PARP15: variants seen among roughly 807,000 people sequenced by gnomAD.
PARP15 encodes poly(ADP-ribose) polymerase family member 15, also known as protein mono-ADP-ribosyltransferase PARP15.
PARP15 carries 50 observed loss-of-function variants against 62.1 expected under a neutral mutation model. The ratio of observed to expected loss-of-function variants is 0.81; its 90% confidence interval spans 0.64 to 1.02. The LOEUF (loss-of-function observed/expected upper bound fraction) is 1.02. PARP15 is among the 50% of genes least tolerant of loss of function. The pLI, the probability that PARP15 is intolerant of heterozygous loss-of-function variation, is 0.00. For synonymous variants in PARP15, 309 were observed against 293.1 expected (o/e 1.05, Z -0.55); for missense variants, 820 against 826.5 (o/e 0.99, Z 0.10).
intron 1 of PARP15, among the ~76,000 whole-genome samples, chr3:122,581,946 G>A (rs6801147): frequency 2.3e-3 from 355 of 152,278 alleles, no homozygotes; most frequent in Non-Finnish European, 4.4e-3. Context: ...CACCAGCTTA[G>A]TTGTTCTTTC....
intron 4 of PARP15, chr3:122,615,217 T>G: frequency 7.9e-7 from 1 of 1,271,382 alleles, no homozygotes; most frequent in Non-Finnish European, 1.0e-6. Flanking sequence ...GCCTTTTTGT[T>G]TTTTCCATTT....
chr3:122,628,868 G>C (rs897689495), intron 9 of PARP15, among the ~76,000 whole-genome samples: 3 of 152,168 alleles, frequency 2.0e-5, no homozygotes, highest in African/African-American at 7.2e-5. Context: ...AGATAAACTG[G>C]AATTTTAGTA....
chr3:122,593,264 G>A (rs1338932362), intron 1 of PARP15, among the ~76,000 whole-genome samples: 6 of 151,976 alleles, frequency 3.9e-5, no homozygotes, highest in African/African-American at 7.3e-5. Context: ...TCAGCATCCC[G>A]AGTAGCTAGG....
At chr3:122,585,410 C>G (rs539135075) in intron 1 of PARP15, among the ~76,000 whole-genome samples, 1 of 152,282 alleles carries the variant, frequency 6.6e-6, no homozygotes, top group South Asian at 2.1e-4. Context: ...GGGGTATGAT[C>G]TGATTGGATC....
chr3:122,614,038 G>T (rs1280851271), intron 4 of PARP15, among the ~76,000 whole-genome samples: 1 of 151,882 alleles, frequency 6.6e-6, no homozygotes, highest in Non-Finnish European at 1.5e-5. Flanking sequence ...TAGAGATGGG[G>T]TTTCTCCATG....
Position 122,610,656 on chromosome 3 carries a change from T to A in PARP15, c.469T>A (p.Cys157Ser), listed in dbSNP as rs1462070532. Reference sequence around the variant, plus strand: ...AGGTAACATATTCATGACAAGCGGCTGCAATCTGGACTGCAAAGCTGTGCT... The same window carrying A: ...AGGTAACATATTCATGACAAGCGGCAGCAATCTGGACTGCAAAGCTGTGCT... ...KVGNIFMTSG[C>S]NLDCKAVLHA... Residue 157 changes from cysteine to serine, a missense_variant, in exon 3 of 12, where the codon TGC becomes AGC. Physicochemically the swap from Cys to Ser is moderately radical, Grantham distance 112. Coordinates refer to ENST00000464300, the MANE Select transcript of PARP15 (RefSeq NM_001113523.3). 2.6e-6 allele frequency: 4 copies of A among 1,551,348 alleles called. No individual in the cohort carries two copies. The Admixed American group carries it at 7.8e-5, about 30-fold the overall frequency.
intron 1 of PARP15, among the ~76,000 whole-genome samples, chr3:122,588,071 G>A (rs1181949932): frequency 6.6e-6 from 1 of 152,116 alleles, no homozygotes; most frequent in Non-Finnish European, 1.5e-5. Context: ...GCATTTTAAA[G>A]TATAGCAAGC....
At chr3:122,585,306 T>G (rs13433828) in intron 1 of PARP15, among the ~76,000 whole-genome samples, 56,423 of 152,006 alleles carry the variant, frequency 0.37, 10,902 homozygotes, top group Admixed American at 0.46. Flanking sequence ...GTGTTTGCAC[T>G]TCTGCACTCT....
At chr3:122,626,356 G>A (rs1936729766) in intron 8 of PARP15, among the ~76,000 whole-genome samples, 1 of 151,936 alleles carries the variant, frequency 6.6e-6, no homozygotes. Context: ...CCGCCACAAC[G>A]CCTGGCTAAT....
intron 1 of PARP15, among the ~76,000 whole-genome samples, chr3:122,598,500 A>G (rs1474904754): frequency 6.6e-6 from 1 of 151,304 alleles, no homozygotes; most frequent in African/African-American, 2.4e-5. Context: ...GGGCCTCTCC[A>G]TAGGGCTGTT....
At chr3:122,625,955 G>T (rs1182228014) in intron 8 of PARP15, among the ~76,000 whole-genome samples, 1 of 152,178 alleles carries the variant, frequency 6.6e-6, no homozygotes, top group Non-Finnish European at 1.5e-5. Context: ...ATCAGCTAAA[G>T]ATCACCAGGA....
Position 122,613,061 on chromosome 3 carries a change from G to A in PARP15, c.564G>A (p.Lys188=), listed in dbSNP as rs1399588003. 1 of 1,551,542 alleles carries A rather than the reference G, an allele frequency of 6.4e-7. No individual in the cohort carries two copies. Among genetic ancestry groups the A allele is most frequent in the Non-Finnish European group, 8.7e-7 (1 of 1,146,794 alleles). The change falls in exon 4 of 12, where the codon AAG becomes AAA. Residue 188 remains lysine (K), a synonymous_variant. Transcript: ENST00000464300. ...TTCAGATCATGGCAAATATAATCAA[G>A]AAATGTTTGACAACTGTAGAAGTGC... ...TSWQIMANII[K]KCLTTVEVLS...
intron 1 of PARP15, among the ~76,000 whole-genome samples, chr3:122,584,760 T>C (rs1207597782): frequency 2.0e-5 from 3 of 151,974 alleles, no homozygotes; most frequent in Non-Finnish European, 4.4e-5. Flanking sequence ...GCATTTTTAG[T>C]GGAGACGGCG....
chr3:122,594,885 A>G (rs71329284), intron 1 of PARP15: 96,544 of 974,300 alleles, frequency 0.099, 4,956 homozygotes, highest in Non-Finnish European at 0.1. Context: ...TTACATAACA[A>G]TTTTCTTCAA....
At chr3:122,634,899 C>A in intron 10 of PARP15, 121 bp from the exon 11 acceptor site, 1 of 1,012,002 alleles carries the variant, frequency 9.9e-7, no homozygotes, top group South Asian at 1.5e-5. Context: ...TTCTCCTTTT[C>A]CTTCACCAAA....
At position 122,613,243 on chromosome 3, in the gene PARP15, A is replaced by C. The variant is rs1298982110; in HGVS notation, c.746A>C (p.Tyr249Ser). The stretch of plus-strand genomic sequence containing the variant: ...TTACAAGAAGTCCACTTTCTGGTAT[A>C]TACAAATGACGATGAAGGCTGTCAG... ...SPLQEVHFLVYTNDDEGCQAF... is the reference protein window; with the variant it reads ...SPLQEVHFLVSTNDDEGCQAF... The change falls in exon 4 of 12, where the codon TAT becomes TCT. Residue 249 changes from tyrosine (Y) to serine (S), a missense_variant. Physicochemically the swap from Tyr to Ser is moderately radical, Grantham distance 144. Around this residue, in one of 3 missense-constraint regions of PARP15, gnomAD observed 731 missense variants for 727.7 expected, o/e 1.00. Transcript: ENST00000464300. 2 of 1,550,294 alleles carry C rather than the reference A, an allele frequency of 1.3e-6. No individual in the cohort carries two copies. The highest frequency in any genetic ancestry group is 1.7e-6 in the Non-Finnish European group (2 of 1,145,416).
chr3:122,626,814 ATTTTTTT>A lies in PARP15; in HGVS notation c.1232-10_1232-4del, dbSNP rs764448844. 1.9e-6 allele frequency: 3 copies of A among 1,586,768 alleles called. No individual in the cohort carries two copies. Among genetic ancestry groups the A allele is most frequent in the Non-Finnish European group, 2.6e-6 (3 of 1,163,588 alleles). Reference sequence around the variant, plus strand: ...TCGGGGGAAACTTCTTTGTCATTAAATTTTTTTTTCAGGAAATGCCGGAAAAAACCCT... The same window carrying A: ...TCGGGGGAAACTTCTTTGTCATTAAATTCAGGAAATGCCGGAAAAAACCCT... On this transcript the variant is annotated splice_region_variant and splice_polypyrimidine_tract_variant and intron_variant, in intron 8 of 11. Transcript: ENST00000464300.
chr3:122,630,888 T>C (rs999386585), intron 9 of PARP15, among the ~76,000 whole-genome samples: 1 of 152,134 alleles, frequency 6.6e-6, no homozygotes, highest in African/African-American at 2.4e-5. Context: ...ATAATTCCCA[T>C]TACACAGATG....
At chr3:122,594,615 T>G (rs1386551535) in intron 1 of PARP15, 13 of 935,070 alleles carry the variant, frequency 1.4e-5, no homozygotes, top group Admixed American at 6.2e-5. Flanking sequence ...TTGTGAAATC[T>G]AACTTTACAT....
Sources: allele counts gnomAD v4.1 joint callset (sites outside exome capture counted in the v4.1 genomes callset), GRCh38; gene constraint gnomAD v4.1.1; regional missense constraint gnomAD v4.1.1; transcripts MANE v1.5; gene names NCBI Gene and HGNC (gene_info 2026-07-23, HGNC 2026-07-21).